Variants in SIK3 observed in about 807,000 individuals in gnomAD.
SIK3 encodes the protein serine/threonine-protein kinase SIK3.
SIK3 carries 28 observed loss-of-function variants against 144.2 expected under a neutral mutation model. The ratio of observed to expected loss-of-function variants is 0.19; its 90% CI spans 0.14 to 0.27. The LOEUF (loss-of-function observed/expected upper bound fraction) is 0.27. Among genes scored for constraint, SIK3 ranks in the 10% least tolerant of loss-of-function variants. The pLI, the probability that SIK3 is intolerant of heterozygous loss-of-function variation, is 1.00. For missense variants in SIK3, 1,319 were observed against 1,776.0 expected (o/e 0.74, Z 4.62); for synonymous variants, 686 against 676.3 (o/e 1.01, Z -0.22).
intron 1 of SIK3, among the ~76,000 whole-genome samples, chr11:117,066,642 C>G (rs1305076298): frequency 6.6e-6 from 1 of 151,084 alleles, no homozygotes; most frequent in East Asian, 1.9e-4. Context: ...CTCAAGTGAT[C>G]CCCCCACCTT....
At chr11:116,988,016 T>G (rs1591486144) in intron 1 of SIK3, among the ~76,000 whole-genome samples, 1 of 152,172 alleles carries the variant, frequency 6.6e-6, no homozygotes, top group East Asian at 1.9e-4. Flanking sequence ...TCTTTGGAAA[T>G]TTCTTATTCT....
At chr11:117,044,210 C>T (rs983603795) in intron 1 of SIK3, among the ~76,000 whole-genome samples, 2 of 152,002 alleles carry the variant, frequency 1.3e-5, no homozygotes, top group Non-Finnish European at 2.9e-5. Context: ...ACTCCAATAC[C>T]ATTATTTTTA....
intron 3 of SIK3, among the ~76,000 whole-genome samples, chr11:116,938,187 AGAGT>A (rs1480362644): frequency 2.0e-5 from 2 of 100,992 alleles, no homozygotes; most frequent in Admixed American, 3.1e-4. Flanking sequence ...CCTGGGCAAC[AGAGT>A]GAGACTCTAT....
At chr11:117,085,907 C>G in intron 1 of SIK3, among the ~76,000 whole-genome samples, 1 of 152,134 alleles carries the variant, frequency 6.6e-6, no homozygotes, top group Non-Finnish European at 1.5e-5. Flanking sequence ...GAGCCGAGAT[C>G]ATGCCACTGC....
chr11:116,846,284 G>T lies in SIK3; in HGVS notation c.*13+99C>A. ...GAGGGGAGGCGTGGTACTGTCGACT[G>T]CACTGGCCACCACAACACATGGGCT... On this transcript the variant is annotated intron_variant, in intron 24 of 24. Transcript: ENST00000445177. The surrounding 1 kb of genome is among the most constrained non-coding windows in gnomAD (Gnocchi z 4.1). 7.9e-7 allele frequency: 1 copy of T among 1,263,198 alleles called. No individual in the cohort carries two copies. The highest frequency in any genetic ancestry group is 1.1e-6 in the Non-Finnish European group (1 of 894,160). 78.2% of individuals were successfully genotyped at this position (1,263,198 alleles called of 1,614,324 possible).
At chr11:117,027,077 C>G (rs1432946282) in intron 1 of SIK3, among the ~76,000 whole-genome samples, 2 of 152,192 alleles carry the variant, frequency 1.3e-5, no homozygotes, top group African/African-American at 4.8e-5. Context: ...TGTTTATAAG[C>G]TCATGCATAT....
At chr11:116,931,254 T>C (rs1001036668) in intron 3 of SIK3, among the ~76,000 whole-genome samples, 1 of 152,210 alleles carries the variant, frequency 6.6e-6, no homozygotes, top group Non-Finnish European at 1.5e-5. Flanking sequence ...GCACGTAAGT[T>C]TGCTTCAGAA....
chr11:116,923,073 T>C (rs1425250185), intron 4 of SIK3, among the ~76,000 whole-genome samples: 2 of 151,990 alleles, frequency 1.3e-5, no homozygotes, highest in African/African-American at 2.4e-5. Context: ...CCCGCCATCA[T>C]GCCCAGCTAA....
chr11:117,080,035 A>G (rs1459170789), intron 1 of SIK3, among the ~76,000 whole-genome samples: 1 of 152,064 alleles, frequency 6.6e-6, no homozygotes. Context: ...CTCCAACTCA[A>G]TTTTTTTAAA....
intron 1 of SIK3, among the ~76,000 whole-genome samples, chr11:117,013,899 AGGGGGG>A (rs71037440): frequency 0.12 from 3,082 of 26,668 alleles, 410 homozygotes; most frequent in Non-Finnish European, 0.13. Flanking sequence ...CCAGATTCTG[AGGGGGG>A]GGGGGGGAGG....
intron 7 of SIK3, 90 bp from the exon 8 acceptor site, chr11:116,876,453 C>T (rs1944260400): frequency 2.8e-6 from 3 of 1,064,306 alleles, no homozygotes; most frequent in Non-Finnish European, 2.9e-6. Context: ...TGTTCCATGC[C>T]CTCTGGCTTG....
At chr11:117,066,538 T>C (rs1954028008) in intron 1 of SIK3, among the ~76,000 whole-genome samples, 1 of 151,092 alleles carries the variant, frequency 6.6e-6, no homozygotes, top group Non-Finnish European at 1.5e-5. Flanking sequence ...ACAATCCTTT[T>C]TTTTTTTTTT....
intron 15 of SIK3, among the ~76,000 whole-genome samples, chr11:116,866,415 G>A (rs539241102): frequency 4.6e-5 from 7 of 151,326 alleles, no homozygotes; most frequent in African/African-American, 1.7e-4. Flanking sequence ...GGAGAAGGCA[G>A]GTCTCCAGTA....
At position 117,037,611 on chromosome 11, in the gene SIK3, C is replaced by T. The variant is rs117740716; in HGVS notation, c.273+60532G>A. On this transcript the variant is annotated intron_variant, in intron 1 of 24. Coordinates refer to ENST00000445177, the MANE Select transcript of SIK3 (RefSeq NM_001366686.3). Reference sequence around the variant, plus strand: ...CTCACTCTGGCCCCATGTTTAGACTCCTGTCTTCATTGTCCTGACTCCTGA... The same window carrying T: ...CTCACTCTGGCCCCATGTTTAGACTTCTGTCTTCATTGTCCTGACTCCTGA... Among the ~76,000 whole-genome samples the T allele has an allele frequency of 7.3e-3, 1,105 of 152,268 alleles. 6 individuals carry two copies. Among genetic ancestry groups the T allele is most frequent in the Non-Finnish European group, 0.011 (751 of 68,018 alleles).
intron 3 of SIK3, among the ~76,000 whole-genome samples, chr11:116,930,352 C>A (rs1463117169): frequency 6.6e-6 from 1 of 152,162 alleles, no homozygotes; most frequent in Non-Finnish European, 1.5e-5. Flanking sequence ...TCACTCCCTG[C>A]TGAAAATCGC....
chr11:116,950,446 C>T (rs1300705175), intron 3 of SIK3, among the ~76,000 whole-genome samples: 2 of 152,182 alleles, frequency 1.3e-5, no homozygotes, highest in African/African-American at 4.8e-5. Context: ...CCTGAGAAAT[C>T]AGGAGAAAGA....
chr11:116,921,447 C>T (rs1438055754), intron 4 of SIK3, among the ~76,000 whole-genome samples: 1 of 152,104 alleles, frequency 6.6e-6, no homozygotes, highest in Non-Finnish European at 1.5e-5. Flanking sequence ...AAGGAGGCTT[C>T]GTTAACAAGT....
chr11:117,037,055 T>C (rs1449441684), intron 1 of SIK3, among the ~76,000 whole-genome samples: 1 of 152,202 alleles, frequency 6.6e-6, no homozygotes, highest in Non-Finnish European at 1.5e-5. Context: ...ATCATAGAAA[T>C]TAAGCCTAAG....
intron 1 of SIK3, among the ~76,000 whole-genome samples, chr11:117,094,458 A>G (rs766862532): frequency 2.6e-5 from 4 of 152,166 alleles, no homozygotes; most frequent in Admixed American, 6.5e-5. Flanking sequence ...AAATTTAAAA[A>G]TTAACCTGGT....
Sources: allele counts gnomAD v4.1 joint callset (sites outside exome capture counted in the v4.1 genomes callset), GRCh38; gene constraint gnomAD v4.1.1; non-coding constraint Gnocchi (gnomAD v3.1); transcripts MANE v1.5; gene names NCBI Gene and HGNC (gene_info 2026-07-23, HGNC 2026-07-21).